GPC5: variants seen among roughly 807,000 people sequenced by gnomAD.
The protein encoded by GPC5 is glypican 5.
GPC5 carries 47 observed loss-of-function variants against 53.9 expected under a neutral mutation model. That is an observed-to-expected ratio of 0.87 (90% CI 0.69 to 1.11). The LOEUF is 1.11. Ranked by LOEUF, GPC5 falls within the 50% of genes most tolerant of loss-of-function variation. The pLI, the probability that GPC5 is intolerant of heterozygous loss-of-function variation, is 0.00. For missense variants in GPC5, 748 were observed against 713.1 expected (o/e 1.05, Z -0.56); for synonymous variants, 286 against 263.3 (o/e 1.09, Z -0.84).
intron 2 of GPC5, among the ~76,000 whole-genome samples, chr13:91,533,387 T>C (rs948095104): frequency 6.6e-6 from 1 of 152,242 alleles, no homozygotes; most frequent in Non-Finnish European, 1.5e-5. Context: ...TTATTTTCTC[T>C]ATGAATCACC....
intron 7 of GPC5, among the ~76,000 whole-genome samples, chr13:92,472,978 A>G (rs1878969088): frequency 6.6e-6 from 1 of 152,090 alleles, no homozygotes; most frequent in Non-Finnish European, 1.5e-5. Context: ...TCTGTTTGGT[A>G]TCTAATGAAA....
intron 7 of GPC5, among the ~76,000 whole-genome samples, chr13:92,851,706 T>C (rs1399300777): frequency 2.3e-4 from 33 of 146,288 alleles, no homozygotes; most frequent in South Asian, 1.3e-3. Flanking sequence ...ACGGTGAAAC[T>C]CCATCTCTAC....
intron 2 of GPC5, among the ~76,000 whole-genome samples, chr13:91,554,251 A>G (rs2030812593): frequency 1.3e-5 from 2 of 152,050 alleles, no homozygotes; most frequent in Admixed American, 1.3e-4. Context: ...ACACATAGAC[A>G]CACACACACC....
At chr13:91,454,301 T>C (rs1881388582) in intron 2 of GPC5, among the ~76,000 whole-genome samples, 1 of 152,072 alleles carries the variant, frequency 6.6e-6, no homozygotes, top group African/African-American at 2.4e-5. Context: ...TAGAAAAATA[T>C]TAACTATAGA....
intron 6 of GPC5, among the ~76,000 whole-genome samples, chr13:91,968,249 T>G (rs926143786): frequency 2.6e-5 from 4 of 151,234 alleles, no homozygotes; most frequent in African/African-American, 9.7e-5. Flanking sequence ...TATTTTAAAG[T>G]TTTTTTTTAT....
chr13:92,165,617 C>A (rs1593951370), intron 7 of GPC5, among the ~76,000 whole-genome samples: 2 of 152,254 alleles, frequency 1.3e-5, no homozygotes. Flanking sequence ...GGAGAACCAC[C>A]CCCGTGATTC....
intron 7 of GPC5, among the ~76,000 whole-genome samples, chr13:92,721,832 G>A (rs899783107): frequency 6.6e-6 from 1 of 151,900 alleles, no homozygotes. Context: ...CCTCTTCCAG[G>A]TTTAATGAGG....
At chr13:91,663,212 T>C (rs1348795366) in intron 2 of GPC5, among the ~76,000 whole-genome samples, 1 of 152,204 alleles carries the variant, frequency 6.6e-6, no homozygotes, top group Admixed American at 6.5e-5. Flanking sequence ...TAAAGACCCA[T>C]ATTTGGGGGA....
At chr13:92,492,115 A>G (rs1252502030) in intron 7 of GPC5, among the ~76,000 whole-genome samples, 1 of 152,176 alleles carries the variant, frequency 6.6e-6, no homozygotes, top group South Asian at 2.1e-4. Flanking sequence ...AACAATACAT[A>G]TAGAAGAAGC....
intron 7 of GPC5, among the ~76,000 whole-genome samples, chr13:92,182,696 C>T (rs942472816): frequency 1.3e-5 from 2 of 150,238 alleles, no homozygotes; most frequent in African/African-American, 2.5e-5. Flanking sequence ...GAAACACCGT[C>T]TCTACTACAA....
chr13:92,211,365 A>T (rs2042374430), intron 7 of GPC5, among the ~76,000 whole-genome samples: 1 of 152,204 alleles, frequency 6.6e-6, no homozygotes, highest in Non-Finnish European at 1.5e-5. Context: ...GCTCTTCCTC[A>T]TTCCTGACAC....
intron 6 of GPC5, among the ~76,000 whole-genome samples, chr13:92,141,128 C>A (rs2041827575): frequency 6.6e-6 from 1 of 152,046 alleles, no homozygotes. Flanking sequence ...TGTGAAAAGC[C>A]CATTGTTTTT....
chr13:92,246,702 A>C (rs1156646411), intron 7 of GPC5, among the ~76,000 whole-genome samples: 1 of 152,176 alleles, frequency 6.6e-6, no homozygotes. Context: ...AACAGTATAG[A>C]GTTCCATTTT....
chr13:92,445,872 G>T (rs1408350743), intron 7 of GPC5, among the ~76,000 whole-genome samples: 1 of 152,016 alleles, frequency 6.6e-6, no homozygotes, highest in Non-Finnish European at 1.5e-5. Context: ...TGAACTCCTA[G>T]CTTCAACTGA....
intron 6 of GPC5, among the ~76,000 whole-genome samples, chr13:92,051,324 C>T (rs2041026890): frequency 6.6e-6 from 1 of 151,642 alleles, no homozygotes; most frequent in African/African-American, 2.4e-5. Flanking sequence ...GCCTCAGCCT[C>T]CTGAGTAGCT....
At chr13:92,416,819 A>T (rs749106766) in intron 7 of GPC5, among the ~76,000 whole-genome samples, 2 of 152,214 alleles carry the variant, frequency 1.3e-5, no homozygotes, top group Non-Finnish European at 2.9e-5. Context: ...TAAAACCTGT[A>T]TCTGATAAGA....
At chr13:92,675,720 C>T (rs1886916305) in intron 7 of GPC5, among the ~76,000 whole-genome samples, 1 of 151,980 alleles carries the variant, frequency 6.6e-6, no homozygotes, top group Non-Finnish European at 1.5e-5. Flanking sequence ...AAAGTTTCCT[C>T]TCCAGGAAAC....
intron 6 of GPC5, among the ~76,000 whole-genome samples, chr13:92,134,914 T>C (rs973995608): frequency 1.3e-5 from 2 of 152,126 alleles, no homozygotes; most frequent in African/African-American, 2.4e-5. Context: ...TTTAAAAAAA[T>C]TGGGGTAGTA....
chr13:92,252,524 G>A (rs1475514838), intron 7 of GPC5, among the ~76,000 whole-genome samples: 2 of 151,916 alleles, frequency 1.3e-5, no homozygotes, highest in Non-Finnish European at 2.9e-5. Context: ...GCACAATGAT[G>A]ACTTCATTCT....
Sources: allele counts gnomAD v4.1 joint callset (sites outside exome capture counted in the v4.1 genomes callset), GRCh38; gene constraint gnomAD v4.1.1; transcripts MANE v1.5; gene names NCBI Gene and HGNC (gene_info 2026-07-23, HGNC 2026-07-21).